Variants in DLC1 observed in about 807,000 individuals in gnomAD.
DLC1 encodes the protein rho GTPase-activating protein 7.
A neutral mutation model predicts 140.3 loss-of-function variants in DLC1; 54 were observed. That is an observed-to-expected ratio of 0.38 (90% CI 0.31 to 0.48). DLC1 has a LOEUF of 0.48. Ranked by LOEUF, DLC1 falls within the 20% of genes least tolerant of loss-of-function variation. The pLI, the probability that DLC1 is intolerant of heterozygous loss-of-function variation, is 0.96. For synonymous variants in DLC1, 986 were observed against 728.1 expected (o/e 1.35, Z -5.70); for missense variants, 2,536 against 1,907.0 (o/e 1.33, Z -6.14).
chr8:13,312,034 T>C (rs1832683427), intron 4 of DLC1, among the ~76,000 whole-genome samples: 1 of 152,324 alleles, frequency 6.6e-6, no homozygotes, highest in African/African-American at 2.4e-5. Flanking sequence ...TGGTCTAAAA[T>C]AAATTCTAAT....
chr8:13,249,533 T>C (rs1829912931), intron 5 of DLC1, among the ~76,000 whole-genome samples: 2 of 152,210 alleles, frequency 1.3e-5, no homozygotes, highest in Non-Finnish European at 2.9e-5. Flanking sequence ...TTCCTCCTCC[T>C]AGCCAAGGCT....
intron 1 of DLC1, among the ~76,000 whole-genome samples, chr8:13,572,836 T>C (rs1385229589): frequency 6.6e-6 from 1 of 152,220 alleles, no homozygotes; most frequent in Non-Finnish European, 1.5e-5. Context: ...TCCATTGGTC[T>C]CTGTGTCTGT....
chr8:13,102,826 C>T lies in DLC1; in HGVS notation c.1530G>A (p.Ala510=), dbSNP rs1127606. 2.9e-3 allele frequency: 4,652 copies of T among 1,613,922 alleles called. 97 individuals are homozygous for T. The African/African-American group carries it at 0.055, about 19-fold the overall frequency. Residue 510 remains alanine (A), a synonymous_variant, in exon 8 of 18, where the codon GCG becomes GCA. Coordinates refer to ENST00000276297, the MANE Select transcript of DLC1 (RefSeq NM_182643.3). ...CRRLNTLNKC[A]VMKLEISPHR... Reference sequence around the variant, plus strand: ...GAGGACTAATTTCTAGCTTCATCACCGCACATTTGTTTAAAGTATTTAGAC... The same window carrying T: ...GAGGACTAATTTCTAGCTTCATCACTGCACATTTGTTTAAAGTATTTAGAC...
chr8:13,543,618 T>C (rs950440403), intron 1 of DLC1, among the ~76,000 whole-genome samples: 2 of 152,082 alleles, frequency 1.3e-5, no homozygotes, highest in Non-Finnish European at 2.9e-5. Flanking sequence ...ACCAAGAAGA[T>C]GTGTTTTATA....
intron 2 of DLC1, among the ~76,000 whole-genome samples, chr8:13,473,398 G>A (rs1800299353): frequency 6.6e-6 from 1 of 152,132 alleles, no homozygotes. Context: ...TCCCTGCACA[G>A]GCTCTCTTGT....
intron 5 of DLC1, among the ~76,000 whole-genome samples, chr8:13,133,872 T>C (rs558331151): frequency 6.6e-6 from 1 of 152,250 alleles, no homozygotes; most frequent in East Asian, 1.9e-4. Flanking sequence ...AGGGTACCTG[T>C]CCCTTGGACA....
At chr8:13,352,101 G>A (rs1300662155) in intron 4 of DLC1, among the ~76,000 whole-genome samples, 1 of 152,108 alleles carries the variant, frequency 6.6e-6, no homozygotes, top group Non-Finnish European at 1.5e-5. Context: ...TGTAGCTTTT[G>A]GGGGTAGCTT....
Position 13,107,799 on chromosome 8 carries a change from C to T in DLC1, c.1502+2943G>A, listed in dbSNP as rs1268023103. On this transcript the variant is annotated intron_variant, in intron 7 of 17. Transcript: ENST00000276297. ...GGTCGCGGTGGCTCACGCCTGTAAT[C>T]CCCAGCCCTTTGGGAGCCCAAGGCA... Among the ~76,000 whole-genome samples, 6 of 152,190 alleles carry T rather than the reference C, an allele frequency of 3.9e-5. No homozygotes were observed. The East Asian group carries it at 9.7e-4, about 25-fold the overall frequency.
intron 5 of DLC1, among the ~76,000 whole-genome samples, chr8:13,210,711 G>A (rs530440947): frequency 2.6e-4 from 39 of 152,254 alleles, no homozygotes; most frequent in African/African-American, 8.4e-4. Flanking sequence ...CAATAGAACC[G>A]CTTTAGGTTT....
At chr8:13,261,301 A>G (rs1440647629) in intron 5 of DLC1, among the ~76,000 whole-genome samples, 1 of 152,190 alleles carries the variant, frequency 6.6e-6, no homozygotes, top group African/African-American at 2.4e-5. Context: ...GAATTTTTCA[A>G]GATGAGGGAA....
At chr8:13,419,760 A>C (rs141686954) in intron 2 of DLC1, among the ~76,000 whole-genome samples, 4 of 151,908 alleles carry the variant, frequency 2.6e-5, no homozygotes, top group Non-Finnish European at 2.9e-5. Flanking sequence ...CTCTTTTTCT[A>C]TTGATTGGAA....
chr8:13,133,166 C>T (rs1303830300), intron 5 of DLC1: 1 of 1,439,524 alleles, frequency 6.9e-7, no homozygotes, highest in Non-Finnish European at 9.1e-7. Context: ...TTCTAAAGAT[C>T]GAAACGAGGG....
At chr8:13,334,173 T>C (rs1022077821) in intron 4 of DLC1, among the ~76,000 whole-genome samples, 1 of 152,048 alleles carries the variant, frequency 6.6e-6, no homozygotes, top group African/African-American at 2.4e-5. Flanking sequence ...AGTTGCACCA[T>C]GAATAACCAG....
intron 2 of DLC1, among the ~76,000 whole-genome samples, chr8:13,421,786 A>T (rs915046602): frequency 6.6e-6 from 1 of 152,184 alleles, no homozygotes; most frequent in Non-Finnish European, 1.5e-5. Flanking sequence ...AAGGAAACCA[A>T]ACAATGGCTT....
chr8:13,570,808 A>G (rs1199243384), intron 1 of DLC1, among the ~76,000 whole-genome samples: 1 of 152,020 alleles, frequency 6.6e-6, no homozygotes, highest in African/African-American at 2.4e-5. Context: ...TTTATGACTC[A>G]AAAGTTGAAA....
At chr8:13,164,296 C>A (rs1445358758) in intron 5 of DLC1, among the ~76,000 whole-genome samples, 5 of 147,804 alleles carry the variant, frequency 3.4e-5, no homozygotes, top group Non-Finnish European at 6.0e-5. Context: ...AGACTTCTCT[C>A]AAAAAAAAAA....
intron 5 of DLC1, among the ~76,000 whole-genome samples, chr8:13,303,351 T>G (rs1832281716): frequency 6.6e-6 from 1 of 152,156 alleles, no homozygotes. Context: ...GATTCTTTTA[T>G]GTGTGCCTCA....
chr8:13,122,546 AT>A (rs1426366481), intron 5 of DLC1, among the ~76,000 whole-genome samples: 1 of 152,212 alleles, frequency 6.6e-6, no homozygotes, highest in Non-Finnish European at 1.5e-5. Flanking sequence ...ACTGAAAACG[AT>A]GACTTGAATC....
intron 5 of DLC1, among the ~76,000 whole-genome samples, chr8:13,207,916 T>C (rs143475574): frequency 5.6e-4 from 86 of 152,340 alleles, no homozygotes; most frequent in African/African-American, 1.9e-3. Flanking sequence ...GTATTATGTA[T>C]ACCCATTTTA....
Sources: allele counts gnomAD v4.1 joint callset (sites outside exome capture counted in the v4.1 genomes callset), GRCh38; gene constraint gnomAD v4.1.1; transcripts MANE v1.5; gene names NCBI Gene and HGNC (gene_info 2026-07-23, HGNC 2026-07-21).